TENM2: variants seen among roughly 807,000 people sequenced by gnomAD.
TENM2 encodes the protein teneurin-2.
In TENM2, 52 loss-of-function variants were observed where a neutral mutation model predicts 245.2. The observed-to-expected ratio is 0.21, with a 90% CI of 0.17 to 0.27. The LOEUF (loss-of-function observed/expected upper bound fraction) is 0.27, where lower values mean the gene tolerates loss of function less well. TENM2 is among the 10% of genes least tolerant of loss of function. TENM2 has a pLI of 1.00. For synonymous variants in TENM2, 1,363 were observed against 1,438.9 expected (o/e 0.95, Z 1.19); for missense variants, 3,046 against 3,666.8 (o/e 0.83, Z 4.37).
intron 2 of TENM2, among the ~76,000 whole-genome samples, chr5:167,440,838 G>A (rs1009322657): frequency 2.7e-5 from 4 of 149,396 alleles, no homozygotes; most frequent in Non-Finnish European, 5.9e-5. Flanking sequence ...ACTAAGCCAG[G>A]AGCCCAAGTA....
intron 2 of TENM2, among the ~76,000 whole-genome samples, chr5:167,519,353 G>T (rs1487836515): frequency 6.6e-6 from 1 of 152,044 alleles, no homozygotes; most frequent in African/African-American, 2.4e-5. Flanking sequence ...ATCAATTAAG[G>T]TCTTTGATTC....
chr5:167,510,451 T>A (rs535931236), intron 2 of TENM2, among the ~76,000 whole-genome samples: 4 of 152,186 alleles, frequency 2.6e-5, no homozygotes, highest in African/African-American at 9.7e-5. Context: ...AAAATGCCAT[T>A]GCTCTTGGAA....
At chr5:167,314,879 AT>A (rs1391712246) in intron 1 of TENM2, among the ~76,000 whole-genome samples, 2 of 151,852 alleles carry the variant, frequency 1.3e-5, no homozygotes, top group Non-Finnish European at 2.9e-5. Context: ...ATCTATCTGG[AT>A]ACATTTTTAT....
At chr5:167,590,373 A>C (rs1298004112) in intron 2 of TENM2, among the ~76,000 whole-genome samples, 2 of 152,044 alleles carry the variant, frequency 1.3e-5, no homozygotes, top group Non-Finnish European at 2.9e-5. Flanking sequence ...TTCTCCTAGC[A>C]ATTAAAAAAT....
intron 2 of TENM2, among the ~76,000 whole-genome samples, chr5:167,852,600 G>A (rs184192627): frequency 3.9e-5 from 6 of 152,294 alleles, no homozygotes; most frequent in Admixed American, 3.3e-4. Context: ...CCAATTGTTA[G>A]CCCATGCATT....
At chr5:167,387,039 T>G (rs1761470928) in intron 2 of TENM2, among the ~76,000 whole-genome samples, 1 of 152,196 alleles carries the variant, frequency 6.6e-6, no homozygotes, top group Non-Finnish European at 1.5e-5. Flanking sequence ...TCTAATTCAG[T>G]GAAGAATCAT....
intron 9 of TENM2, among the ~76,000 whole-genome samples, chr5:168,114,506 C>G (rs967264669): frequency 6.6e-6 from 1 of 152,194 alleles, no homozygotes; most frequent in Admixed American, 6.5e-5. Flanking sequence ...TCAGCCTGAC[C>G]TCAGATACTG....
chr5:167,424,965 TTATAAG>T (rs1430259854), intron 2 of TENM2, among the ~76,000 whole-genome samples: 4 of 152,208 alleles, frequency 2.6e-5, no homozygotes, highest in African/African-American at 7.2e-5. Flanking sequence ...AGCTGTTTTA[TTATAAG>T]TATATCACAA....
chr5:167,801,095 GAAAAA>G (rs1176405769), intron 2 of TENM2, among the ~76,000 whole-genome samples: 650 of 50,676 alleles, frequency 0.013, 35 homozygotes, highest in African/African-American at 0.042. Context: ...TATTTGAAAA[GAAAAA>G]AAAAAAAAAA....
chr5:168,001,194 GC>G (rs1341047877), intron 5 of TENM2, among the ~76,000 whole-genome samples: 1 of 152,144 alleles, frequency 6.6e-6, no homozygotes, highest in Non-Finnish European at 1.5e-5. Context: ...TGTGGTAATT[GC>G]CTCCGTTCCC....
intron 1 of TENM2, among the ~76,000 whole-genome samples, chr5:167,288,432 G>A (rs971295153): frequency 1.3e-5 from 2 of 151,850 alleles, no homozygotes; most frequent in Non-Finnish European, 2.9e-5. Flanking sequence ...GGTGGCGGGC[G>A]CCTGTAGTCC....
chr5:167,020,164 C>T, the TENM2 span, among the ~76,000 whole-genome samples: 39 of 152,232 alleles, frequency 2.6e-4, no homozygotes. Context: ...ATTATTCTGA[C>T]TAAAATTTTG....
intron 5 of TENM2, among the ~76,000 whole-genome samples, chr5:168,008,603 G>A (rs1562045896): frequency 1.3e-5 from 2 of 152,130 alleles, no homozygotes. Flanking sequence ...GATGAAAGGG[G>A]AAGCCATGGA....
chr5:167,186,632 G>A, the TENM2 span, among the ~76,000 whole-genome samples: 3 of 152,184 alleles, frequency 2.0e-5, no homozygotes, highest in African/African-American at 4.8e-5. Flanking sequence ...CCGTAAAAAA[G>A]CACGTGGGTC....
chr5:168,236,955 T>TA (rs1765491483), intron 25 of TENM2, among the ~76,000 whole-genome samples: 1 of 4,142 alleles, frequency 2.4e-4, no homozygotes, highest in African/African-American at 4.6e-4. Context: ...TATATATATA[T>TA]ATATATATAT....
At chr5:167,200,559 G>A in the TENM2 span, among the ~76,000 whole-genome samples, 1 of 152,060 alleles carries the variant, frequency 6.6e-6, no homozygotes, top group Non-Finnish European at 1.5e-5. Flanking sequence ...ACATAGAAGT[G>A]AGGTCTAAGG....
intron 2 of TENM2, among the ~76,000 whole-genome samples, chr5:167,452,230 C>T (rs1319893000): frequency 6.6e-6 from 1 of 152,138 alleles, no homozygotes; most frequent in African/African-American, 2.4e-5. Flanking sequence ...TCCTGAAAAG[C>T]TGACTCTTTA....
intron 2 of TENM2, among the ~76,000 whole-genome samples, chr5:167,388,134 C>T (rs1253013376): frequency 6.6e-6 from 1 of 152,032 alleles, no homozygotes; most frequent in Non-Finnish European, 1.5e-5. Flanking sequence ...TGCTGTGAAT[C>T]TGTCTGGTCC....
At chr5:167,546,324 C>G (rs931886675) in intron 2 of TENM2, among the ~76,000 whole-genome samples, 4 of 152,118 alleles carry the variant, frequency 2.6e-5, no homozygotes, top group Non-Finnish European at 4.4e-5. Context: ...GCCTGACTTT[C>G]AAATTATTCC....
Sources: gnomAD v4.1 joint callset for allele counts (sites outside exome capture counted in the v4.1 genomes callset) on GRCh38, gnomAD v4.1.1 for gene constraint, MANE v1.5 for transcripts, NCBI Gene and HGNC (gene_info 2026-07-23, HGNC 2026-07-21) for gene names.